Variants in SV2C observed in about 807,000 individuals in gnomAD.
SV2C encodes solute carrier family 22 member B3.
A neutral mutation model predicts 79.7 loss-of-function variants in SV2C; 49 were observed. That is an observed-to-expected ratio of 0.61 (90% CI 0.49 to 0.78). The LOEUF (loss-of-function observed/expected upper bound fraction) is 0.78, where lower values mean the gene tolerates loss of function less well. Ranked by LOEUF, SV2C falls within the 30% of genes least tolerant of loss-of-function variation. SV2C has a pLI of 0.00. For synonymous variants in SV2C, 334 were observed against 333.2 expected (o/e 1.00, Z -0.03); for missense variants, 833 against 912.9 (o/e 0.91, Z 1.13).
intron 4 of SV2C, among the ~76,000 whole-genome samples, chr5:76,259,938 G>T (rs10942763): frequency 0.59 from 89,620 of 152,046 alleles, 26,803 homozygotes; most frequent in South Asian, 0.71. Flanking sequence ...GTTGAATGAT[G>T]TATAATCCTT....
chr5:75,882,895 A>G, the SV2C span, among the ~76,000 whole-genome samples: 3 of 152,174 alleles, frequency 2.0e-5, no homozygotes, highest in East Asian at 5.8e-4. Context: ...CCATCAGAGT[A>G]AAGAGGCAAC....
chr5:75,937,850 C>G, the SV2C span, among the ~76,000 whole-genome samples: 1 of 150,700 alleles, frequency 6.6e-6, no homozygotes, highest in Non-Finnish European at 1.5e-5. Context: ...CATTTATGTT[C>G]AATTTAAATT....
At chr5:75,872,747 T>C in the SV2C span, among the ~76,000 whole-genome samples, 1 of 151,998 alleles carries the variant, frequency 6.6e-6, no homozygotes, top group African/African-American at 2.4e-5. Context: ...AACGTGAATA[T>C]TTAAATACGA....
At chr5:76,125,866 T>C (rs1051956812) in intron 1 of SV2C, among the ~76,000 whole-genome samples, 6 of 152,084 alleles carry the variant, frequency 3.9e-5, no homozygotes, top group African/African-American at 7.2e-5. Flanking sequence ...TAGACCAGCC[T>C]TGGAAACATA....
At chr5:76,338,636 ATTTTCT>A (rs202010275), downstream of SV2C, among the ~76,000 whole-genome samples, 5,704 of 143,006 alleles carry the variant, frequency 0.04, 358 homozygotes, top group African/African-American at 0.14. Flanking sequence ...CAACCATAGT[ATTTTCT>A]TTTTCTTTTT....
intron 2 of SV2C, among the ~76,000 whole-genome samples, chr5:76,133,210 G>C (rs1471593882): frequency 6.6e-6 from 1 of 152,152 alleles, no homozygotes; most frequent in Non-Finnish European, 1.5e-5. Context: ...AAATCAGGAG[G>C]ATTTCCAAAC....
chr5:76,020,515 G>A, the SV2C span, among the ~76,000 whole-genome samples: 6 of 152,106 alleles, frequency 3.9e-5, no homozygotes, highest in East Asian at 1.9e-4. Context: ...CAGATCTAAC[G>A]GCGAGGGTAG....
At chr5:76,117,502 A>G (rs1405201726) in intron 1 of SV2C, among the ~76,000 whole-genome samples, 1 of 152,218 alleles carries the variant, frequency 6.6e-6, no homozygotes, top group Non-Finnish European at 1.5e-5. Flanking sequence ...AAAGGAGATG[A>G]GGATAATCAA....
At chr5:76,021,120 T>C in the SV2C span, among the ~76,000 whole-genome samples, 2 of 152,188 alleles carry the variant, frequency 1.3e-5, no homozygotes, top group South Asian at 2.1e-4. Flanking sequence ...AGGCCATTGA[T>C]TGGGCATCTG....
At chr5:76,119,197 A>G (rs1444728383) in intron 1 of SV2C, among the ~76,000 whole-genome samples, 1 of 152,198 alleles carries the variant, frequency 6.6e-6, no homozygotes, top group Admixed American at 6.5e-5. Flanking sequence ...GCATGAGGAC[A>G]TTTTCAATAT....
intron 9 of SV2C, 122 bp downstream of exon 9, chr5:76,296,064 C>T (rs918206007): frequency 1.1e-5 from 10 of 909,078 alleles, no homozygotes; most frequent in Non-Finnish European, 1.6e-5. Context: ...TACATTTAGT[C>T]ATTTTCATGA....
At chr5:76,186,845 T>C (rs887298385) in intron 2 of SV2C, among the ~76,000 whole-genome samples, 3 of 152,026 alleles carry the variant, frequency 2.0e-5, no homozygotes, top group Admixed American at 1.3e-4. Flanking sequence ...AATCATCAGA[T>C]CTCATGAGAA....
intron 6 of SV2C, 40 bp downstream of exon 6, chr5:76,285,910 G>A (rs376389650): frequency 1.3e-6 from 2 of 1,564,706 alleles, no homozygotes; most frequent in East Asian, 2.2e-5. Context: ...ACCAGGGATT[G>A]GGACATGTTT....
intron 4 of SV2C, among the ~76,000 whole-genome samples, chr5:76,233,275 T>C (rs1745494216): frequency 1.6e-5 from 2 of 124,944 alleles, no homozygotes; most frequent in South Asian, 2.7e-4. Flanking sequence ...CTTGTGATTT[T>C]TGTACATTGA....
At chr5:76,033,131 T>C in the SV2C span, among the ~76,000 whole-genome samples, 2 of 152,184 alleles carry the variant, frequency 1.3e-5, no homozygotes, top group Non-Finnish European at 2.9e-5. Context: ...GAGTTCATTG[T>C]AGATTCTGGA....
At chr5:75,909,163 C>T in the SV2C span, among the ~76,000 whole-genome samples, 1 of 152,206 alleles carries the variant, frequency 6.6e-6, no homozygotes, top group Non-Finnish European at 1.5e-5. Flanking sequence ...AGGGACCACA[C>T]TGATTTCCAC....
chr5:76,070,177 A>T, the SV2C span, among the ~76,000 whole-genome samples: 2 of 151,972 alleles, frequency 1.3e-5, no homozygotes, highest in South Asian at 4.2e-4. Context: ...TTCCTGGGGG[A>T]TTTCACCAAC....
chr5:75,967,862 C>A, the SV2C span, among the ~76,000 whole-genome samples: 142 of 152,362 alleles, frequency 9.3e-4, 1 homozygote, highest in African/African-American at 3.2e-3. Context: ...TGAGAATGGG[C>A]AGACTGCCTC....
chr5:75,907,407 T>G, the SV2C span, among the ~76,000 whole-genome samples: 2,518 of 152,306 alleles, frequency 0.017, 36 homozygotes, highest in African/African-American at 0.043. Context: ...CTGGGGCCAG[T>G]AATGTGAACT....
Sources: gnomAD v4.1 joint callset for allele counts (sites outside exome capture counted in the v4.1 genomes callset) on GRCh38, gnomAD v4.1.1 for gene constraint, MANE v1.5 for transcripts, NCBI Gene and HGNC (gene_info 2026-07-23, HGNC 2026-07-21) for gene names.